FBLN5: variants seen among roughly 807,000 people sequenced by gnomAD.
FBLN5 encodes the protein fibulin 5.
In FBLN5, 24 loss-of-function variants were observed where a neutral mutation model predicts 61.6. The observed-to-expected ratio is 0.39, with a 90% CI of 0.28 to 0.55. The LOEUF (loss-of-function observed/expected upper bound fraction) is 0.55. Among genes scored for constraint, FBLN5 ranks in the 20% least tolerant of loss-of-function variants. The pLI is 0.65. For missense variants in FBLN5, 470 were observed against 594.1 expected, an observed-to-expected ratio of 0.79 and a Z score of 2.17; for synonymous variants, 213 against 219.8, an observed-to-expected ratio of 0.97 and a Z score of 0.27.
intron 4 of FBLN5, among the ~76,000 whole-genome samples, chr14:91,929,086 C>T (rs1190547777): frequency 3.6e-5 from 2 of 55,038 alleles, no homozygotes; most frequent in Non-Finnish European, 8.7e-5. Flanking sequence ...TCAAAACACA[C>T]ACACACACAC....
Position 91,947,115 on chromosome 14 carries a change from C to T in FBLN5, c.17+98G>A. The T allele has an allele frequency of 1.3e-6, 2 of 1,581,838 alleles. No individual in the cohort carries two copies. The highest frequency in any genetic ancestry group is 1.7e-6 in the Non-Finnish European group (2 of 1,155,716). On this transcript the variant is annotated intron_variant, in intron 1 of 10. Coordinates refer to ENST00000342058, the MANE Select transcript of FBLN5 (RefSeq NM_006329.4). This position sits in a 1 kb window ranked among gnomAD's most constrained non-coding sequence, Gnocchi z 4.3. ...GCTCATGCCTTTTCCAATATCCTGA[C>T]ACCGCCTGAATCGCAGCCATAACCA...
chr14:91,938,900 C>T (rs115617978), intron 3 of FBLN5, among the ~76,000 whole-genome samples: 1,886 of 152,278 alleles, frequency 0.012, 39 homozygotes, highest in African/African-American at 0.044. Flanking sequence ...CTGAAGCCAT[C>T]GCTGAAATGG....
chr14:91,915,450 C>T (rs915097234), intron 4 of FBLN5, among the ~76,000 whole-genome samples: 2 of 151,976 alleles, frequency 1.3e-5, no homozygotes, highest in Non-Finnish European at 2.9e-5. Context: ...CTTTGGGAGG[C>T]CAAGGCGGGT....
intron 6 of FBLN5, among the ~76,000 whole-genome samples, chr14:91,890,510 C>G (rs1031597993): frequency 6.6e-6 from 1 of 152,220 alleles, no homozygotes; most frequent in South Asian, 2.1e-4. Flanking sequence ...AGGATTTGCG[C>G]TAATTCCTTG....
intron 5 of FBLN5, among the ~76,000 whole-genome samples, chr14:91,891,823 T>C (rs1478067582): frequency 6.6e-6 from 1 of 152,172 alleles, no homozygotes; most frequent in African/African-American, 2.4e-5. Context: ...GAAGAATCCA[T>C]AGCATCACTC....
At chr14:91,940,139 A>G (rs2056083918) in intron 3 of FBLN5, among the ~76,000 whole-genome samples, 1 of 152,160 alleles carries the variant, frequency 6.6e-6, no homozygotes, top group African/African-American at 2.4e-5. Flanking sequence ...AATTCTGCCA[A>G]CAACCAGAAG....
intron 4 of FBLN5, among the ~76,000 whole-genome samples, chr14:91,897,449 G>A (rs1215993867): frequency 6.6e-6 from 1 of 152,242 alleles, no homozygotes; most frequent in Non-Finnish European, 1.5e-5. Flanking sequence ...CACTGCCTTA[G>A]GAATTTCTGT....
Position 91,887,448 on chromosome 14 carries a change from G to A in FBLN5, c.620-136C>T. On this transcript the variant is annotated intron_variant, in intron 6 of 10. Transcript: ENST00000342058. ...CCAGGTACCAAGGCTCTCCACCCAG[G>A]ACCTTTGGGAGCATGATCTTAGATC... 6 of 876,614 alleles carry A rather than the reference G, an allele frequency of 6.8e-6. No individual in the cohort carries two copies. In the South Asian group the frequency reaches 8.1e-5, roughly 12 times the overall value. The allele number at this position is 876,614 out of a possible 1,614,324, so 54.3% of individuals were successfully genotyped here.
chr14:91,904,861 T>C (rs1442240418), intron 4 of FBLN5, among the ~76,000 whole-genome samples: 3 of 152,178 alleles, frequency 2.0e-5, no homozygotes, highest in African/African-American at 7.2e-5. Flanking sequence ...CTTGGCCTGA[T>C]GGAGTAAGTG....
intron 4 of FBLN5, among the ~76,000 whole-genome samples, chr14:91,907,122 C>T (rs1361554727): frequency 6.6e-6 from 1 of 152,222 alleles, no homozygotes; most frequent in African/African-American, 2.4e-5. Context: ...TTAAGCCTCT[C>T]TCACAGTGAA....
intron 4 of FBLN5, among the ~76,000 whole-genome samples, chr14:91,926,999 T>C (rs1017486683): frequency 1.3e-5 from 2 of 152,200 alleles, no homozygotes; most frequent in African/African-American, 4.8e-5. Context: ...TCTAAGCCCA[T>C]GCTCGTTCCA....
chr14:91,882,833 C>T lies in FBLN5; in HGVS notation c.862+121G>A. ...AGAGCCACCAGCACCCACTCACACC[C>T]CCACCCCTGCCACCTTCCCAAAGCT... On this transcript the variant is annotated intron_variant, in intron 8 of 10. Transcript: ENST00000342058. The surrounding 1 kb of genome is among the most constrained non-coding windows in gnomAD (Gnocchi z 4.9). 1.7e-6 allele frequency: 2 copies of T among 1,183,574 alleles called. No individual in the cohort carries two copies. Among genetic ancestry groups the T allele is most frequent in the Middle Eastern group, 2.5e-4 (1 of 3,952 alleles). 73.3% of individuals were successfully genotyped at this position (1,183,574 alleles called of 1,614,324 possible).
chr14:91,914,683 AG>A (rs1459626272), intron 4 of FBLN5, among the ~76,000 whole-genome samples: 2 of 151,938 alleles, frequency 1.3e-5, no homozygotes, highest in Non-Finnish European at 2.9e-5. Context: ...AAACATAGAA[AG>A]AAAAGAATAA....
chr14:91,922,060 G>A (rs1226791538), intron 4 of FBLN5, among the ~76,000 whole-genome samples: 1 of 152,146 alleles, frequency 6.6e-6, no homozygotes, highest in East Asian at 1.9e-4. Flanking sequence ...CACTTTGGGA[G>A]GCCAAGGCGG....
intron 4 of FBLN5, among the ~76,000 whole-genome samples, chr14:91,902,237 T>C (rs1464106275): frequency 1.3e-5 from 2 of 151,886 alleles, no homozygotes; most frequent in Non-Finnish European, 2.9e-5. Flanking sequence ...GGACAAGTCA[T>C]GTCTAATGTC....
At chr14:91,888,318 T>C (rs1165514611) in intron 6 of FBLN5, among the ~76,000 whole-genome samples, 1 of 147,818 alleles carries the variant, frequency 6.8e-6, no homozygotes, top group Non-Finnish European at 1.5e-5. Flanking sequence ...TAAAATAAAA[T>C]TATAGGCTGG....
chr14:91,927,027 C>T (rs2055841469), intron 4 of FBLN5, among the ~76,000 whole-genome samples: 1 of 152,204 alleles, frequency 6.6e-6, no homozygotes, highest in Non-Finnish European at 1.5e-5. Context: ...ACACTCTCTA[C>T]CACTAGTGCC....
chr14:91,933,522 C>T (rs1221589461), intron 4 of FBLN5, among the ~76,000 whole-genome samples: 1 of 152,158 alleles, frequency 6.6e-6, no homozygotes, highest in East Asian at 1.9e-4. Context: ...CCCACCTCGG[C>T]CTCCCAAAGT....
intron 4 of FBLN5, among the ~76,000 whole-genome samples, chr14:91,919,903 G>C (rs1430332358): frequency 1.3e-5 from 2 of 152,192 alleles, no homozygotes; most frequent in African/African-American, 4.8e-5. Flanking sequence ...GGCCACCTTA[G>C]CAAACTAGTA....
Sources: allele counts gnomAD v4.1 joint callset (sites outside exome capture counted in the v4.1 genomes callset), GRCh38; gene constraint gnomAD v4.1.1; non-coding constraint Gnocchi (gnomAD v3.1); transcripts MANE v1.5; gene names NCBI Gene and HGNC (gene_info 2026-07-23, HGNC 2026-07-21).